MLKL: variants seen among roughly 807,000 people sequenced by gnomAD.
The protein encoded by MLKL is mixed lineage kinase domain-like protein.
In MLKL, 55 loss-of-function variants were observed where a neutral mutation model predicts 56.5. The observed-to-expected ratio is 0.97, with a 90% confidence interval of 0.78 to 1.22. MLKL has a LOEUF of 1.22. Among genes scored for constraint, MLKL ranks in the 50% most tolerant of loss-of-function variants. The pLI, the probability that MLKL is intolerant of heterozygous loss-of-function variation, is 0.00. For synonymous variants in MLKL, 251 were observed against 208.3 expected (o/e 1.20, Z -1.76); for missense variants, 694 against 573.9 (o/e 1.21, Z -2.14).
chr16:74,691,145 C>G, intron 4 of MLKL, 132 bp downstream of exon 4: 1 of 721,924 alleles, frequency 1.4e-6, no homozygotes, highest in Non-Finnish European at 2.3e-6. Flanking sequence ...TGCTCCTTAA[C>G]AGTGGAGAGC....
Position 74,682,695 on chromosome 16 carries a change from G to T in MLKL, c.912C>A (p.Gly304=). The stretch of plus-strand genomic sequence containing the variant: ...CCCCCAGGACTAGGACCATGCGCTT[G>T]CCAAGTGTGAGGTCTTTTTCCCTAT... ...LLDREKDLTL[G]KRMVLVLGAA... The change falls in exon 6 of 11, where the codon GGC becomes GGA. Residue 304 remains glycine (G), a synonymous_variant. Transcript: ENST00000308807. The T allele has an allele frequency of 6.2e-7, 1 of 1,614,112 alleles. No homozygotes were observed. Among genetic ancestry groups the T allele is most frequent in the South Asian group, 1.1e-5 (1 of 91,066 alleles).
chr16:74,697,011 TTACATATATATAGTAA>T (rs1385734695), intron 1 of MLKL, among the ~76,000 whole-genome samples: 2 of 147,438 alleles, frequency 1.4e-5, no homozygotes, highest in African/African-American at 4.9e-5. Context: ...ATATATAATA[TTACATATATATAGTAA>T]TACATATATA....
At chr16:74,694,687 T>C (rs1178975031) in intron 2 of MLKL, among the ~76,000 whole-genome samples, 1 of 152,068 alleles carries the variant, frequency 6.6e-6, no homozygotes, top group Non-Finnish European at 1.5e-5. Context: ...GGAGGATCAC[T>C]TGAACCTGAG....
chr16:74,691,818 GCGTAGT>G (rs960331180), intron 3 of MLKL, among the ~76,000 whole-genome samples: 63 of 152,218 alleles, frequency 4.1e-4, no homozygotes, highest in Middle Eastern at 3.4e-3. Context: ...CTGGCATCTG[GCGTAGT>G]CATTTCAGAT....
intron 2 of MLKL, 64 bp from the exon 3 acceptor site, chr16:74,692,480 A>G (rs1960734609): frequency 1.5e-6 from 2 of 1,340,062 alleles, no homozygotes; most frequent in African/African-American, 2.9e-5. Flanking sequence ...AATCAAAACT[A>G]AAATGCTAAT....
chr16:74,690,301 T>C (rs544618564), intron 4 of MLKL, among the ~76,000 whole-genome samples: 16 of 152,348 alleles, frequency 1.1e-4, no homozygotes, highest in African/African-American at 3.6e-4. Flanking sequence ...TGTGGGAGTG[T>C]AGGCATAGAC....
intron 7 of MLKL, 38 bp from the exon 8 acceptor site, chr16:74,675,802 T>A (rs778824507): frequency 4.7e-5 from 76 of 1,608,890 alleles, no homozygotes; most frequent in Non-Finnish European, 6.5e-5. Context: ...ACAAGCAAGA[T>A]CTTGGGTAGA....
At chr16:74,677,509 C>A (rs575441778) in intron 7 of MLKL, 6 of 152,206 alleles carry the variant, frequency 3.9e-5, no homozygotes, top group Non-Finnish European at 7.3e-5. Context: ...TGTGCACCAC[C>A]ATGACTGGCT....
At chr16:74,691,568 A>G in intron 3 of MLKL, 105 bp from the exon 4 acceptor site, 1 of 1,267,832 alleles carries the variant, frequency 7.9e-7, no homozygotes, top group Non-Finnish European at 1.1e-6. Flanking sequence ...AAGCTCTACT[A>G]CATGAACCAG....
At chr16:74,681,285 C>T (rs1302854900) in intron 6 of MLKL, among the ~76,000 whole-genome samples, 1 of 152,116 alleles carries the variant, frequency 6.6e-6, no homozygotes, top group African/African-American at 2.4e-5. Context: ...CTTGGCCTCT[C>T]AAAGTGCTGG....
In MLKL at chr16:74,675,688, T is replaced by C. The variant is rs758810586; in HGVS notation, c.1115A>G (p.Lys372Arg). 11 of 1,614,036 alleles carry C rather than the reference T, an allele frequency of 6.8e-6. No individual in the cohort carries two copies. The African/African-American group carries it at 8.0e-5, about 12-fold the overall frequency. Residue 372 changes from lysine to arginine, a missense_variant, in exon 8 of 11, where the codon AAA (lysine) becomes AGA (arginine). Lys to Arg is a conservative substitution (Grantham distance 26). Coordinates refer to ENST00000308807, the MANE Select transcript of MLKL (RefSeq NM_152649.4). ...CTGAGGTGAGAGATATGCTGTAGAT[T>C]TGACTCTGTCTGTCTTTTCTCTCGT... ...GTTREKTDRV[K>R]STAYLSPQEL...
Position 74,695,496 on chromosome 16 carries a change from ACCT to A in MLKL, c.259_261del (p.Arg87del), listed in dbSNP as rs781360525. ...ATTTTGTCCTGGCTTGCTGTTAGAAACCTGCAGATATTGGATCTATTGCTGAAC... is the reference window on the plus strand; with the variant it reads ...ATTTTGTCCTGGCTTGCTGTTAGAAAGCAGATATTGGATCTATTGCTGAAC... On this transcript the variant is annotated inframe_deletion, in exon 2 of 11. Transcript: ENST00000308807. 2.4e-4 allele frequency: 392 copies of A among 1,613,996 alleles called. No homozygotes were observed. The highest frequency in any genetic ancestry group is 3.2e-4 in the Admixed American group (19 of 59,998).
intron 6 of MLKL, among the ~76,000 whole-genome samples, chr16:74,679,825 T>A (rs945771375): frequency 6.6e-6 from 1 of 151,006 alleles, no homozygotes; most frequent in Admixed American, 6.6e-5. Context: ...AAAAAAAAAA[T>A]AACTCCAAAA....
chr16:74,685,600 G>C lies in MLKL; in HGVS notation c.723-17C>G. On this transcript the variant is annotated splice_polypyrimidine_tract_variant and intron_variant, in intron 4 of 10. Transcript: ENST00000308807. ...CTCACTATTCTATAAGGATTAAAGA[G>C]AGAAATCAGGATTTCAGAACTGGAA... The C allele has an allele frequency of 6.3e-7, 1 of 1,593,782 alleles. No individual in the cohort carries two copies. The highest frequency in any genetic ancestry group is 1.1e-5 in the South Asian group (1 of 90,440).
chr16:74,679,675 C>T (rs142027836), intron 6 of MLKL, among the ~76,000 whole-genome samples: 5 of 152,178 alleles, frequency 3.3e-5, no homozygotes, highest in Admixed American at 2.6e-4. Context: ...AATAGCTGGG[C>T]GTGGTGGCAT....
rs759942510 is a variant in MLKL at position 74,682,616 on chromosome 16, C to T, written c.956+35G>A. On this transcript the variant is annotated intron_variant, in intron 6 of 10. Transcript: ENST00000308807. ...GTATCAGGAGTGTGGACAGACCCATCCAACCCTTAGTGGCGCCTTTTCACC... is the reference window on the plus strand; with the variant it reads ...GTATCAGGAGTGTGGACAGACCCATTCAACCCTTAGTGGCGCCTTTTCACC... The T allele has an allele frequency of 2.2e-5, 36 of 1,611,346 alleles. No homozygotes were observed. In the East Asian group the frequency reaches 7.6e-4, roughly 34 times the overall value.
intron 1 of MLKL, among the ~76,000 whole-genome samples, chr16:74,699,936 C>T (rs2144581092): frequency 6.6e-6 from 1 of 151,926 alleles, no homozygotes; most frequent in Middle Eastern, 3.4e-3. Context: ...AGGAAGACTC[C>T]ATCTCTCAAA....
chr16:74,672,524 G>A lies in MLKL; in HGVS notation c.1396C>T (p.Leu466Phe), dbSNP rs1959293859. Residue 466 changes from leucine (L) to phenylalanine (F), a missense_variant, in exon 11 of 11, where the codon CTC (leucine) becomes TTC (phenylalanine). Transcript: ENST00000308807. The stretch of plus-strand genomic sequence containing the variant: ...ATACACTACTTAGAAAAGGTGGAGA[G>A]TTTCTTTAAGATTTCTGTGGATGAA... ...RPSVDEILKK[L>F]STFSK 1 of 1,613,840 alleles carries A rather than the reference G, an allele frequency of 6.2e-7. No individual in the cohort carries two copies. The highest frequency in any genetic ancestry group is 8.5e-7 in the Non-Finnish European group (1 of 1,179,870).
intron 4 of MLKL, 74 bp from the exon 5 acceptor site, chr16:74,685,657 C>A: frequency 1.6e-6 from 2 of 1,222,872 alleles, no homozygotes; most frequent in South Asian, 2.5e-5. Context: ...TGTGGTGACC[C>A]TCTGTGTATG....
Sources: gnomAD v4.1 joint callset for allele counts (sites outside exome capture counted in the v4.1 genomes callset) on GRCh38, gnomAD v4.1.1 for gene constraint, MANE v1.5 for transcripts, NCBI Gene and HGNC (gene_info 2026-07-23, HGNC 2026-07-21) for gene names.